SLC35E2B: variants seen among roughly 807,000 people sequenced by gnomAD.
SLC35E2B encodes the protein solute carrier family 35 member E2B.
A neutral mutation model predicts 32.4 loss-of-function variants in SLC35E2B; 18 were observed. That is an observed-to-expected ratio of 0.56 (90% confidence interval 0.38 to 0.82). The LOEUF is 0.82. SLC35E2B is among the 40% of genes least tolerant of loss of function. The probability of loss-of-function intolerance (pLI) is 0.00; values close to 1 mark genes in which losing one functional copy is unlikely to be tolerated. For synonymous variants in SLC35E2B, 132 were observed against 209.1 expected (o/e 0.63, Z 3.18); for missense variants, 263 against 469.5 (o/e 0.56, Z 4.06).
chr1:1,675,579 A>G lies in SLC35E2B; in HGVS notation c.470T>C (p.Val157Ala), dbSNP rs1449453647. 19 of 1,564,672 alleles carry G rather than the reference A, an allele frequency of 1.2e-5. No homozygotes were observed. The highest frequency in any genetic ancestry group is 1.6e-5 in the Non-Finnish European group (18 of 1,157,852). ...TTTCAGGCTGACCAAACCCAAAACC[A>G]CAGTTGCAAACCTAAAAATGAGCCA... ...LFVGLMRFAT[V>A]VLGLVSLKNV... Residue 157 changes from valine (V) to alanine (A), a missense_variant, in exon 5 of 10, where the codon GTG becomes GCG. Coordinates refer to ENST00000617444, the MANE Select transcript of SLC35E2B (RefSeq NM_001290264.2).
rs1643470263 is a variant in SLC35E2B at position 1,663,829 on chromosome 1, AC to A, written c.*1952del. 1.1e-5 allele frequency: 10 copies of A among 913,468 alleles called. 2 individuals carry two copies. Among genetic ancestry groups the A allele is most frequent in the Non-Finnish European group, 1.2e-5 (9 of 764,136 alleles). 56.6% of individuals were successfully genotyped at this position (913,468 alleles called of 1,614,324 possible). A position where few individuals can be genotyped will look rare whatever the true frequency, so the allele number is the denominator to read the frequency against. On this transcript the variant is annotated 3_prime_UTR_variant, in exon 10 of 10. Coordinates refer to ENST00000617444, the MANE Select transcript of SLC35E2B (RefSeq NM_001290264.2). ...ATGGAAATCCGGGGAAAGTCACGTG[AC>A]AAAACATCTTCGCAGCGCAGTGAGC...
rs1282887613 is a variant in SLC35E2B, at chr1:1,671,633, G to A, written c.587-4C>T. The A allele has an allele frequency of 1.9e-6, 3 of 1,540,530 alleles. No individual in the cohort carries two copies. Among genetic ancestry groups the A allele is most frequent in the South Asian group, 1.2e-5 (1 of 82,326 alleles). On this transcript the variant is annotated splice_region_variant and splice_polypyrimidine_tract_variant and intron_variant, in intron 5 of 9. Coordinates refer to ENST00000617444, the MANE Select transcript of SLC35E2B (RefSeq NM_001290264.2). The stretch of plus-strand genomic sequence containing the variant: ...AGGGAGAGGTTGACCAGCAGCCCTG[G>A]CGAGAGGACAGCCCCTGTGAGTGGC...
chr1:1,687,462 G>A (rs1018049308), intron 2 of SLC35E2B, among the ~76,000 whole-genome samples: 7 of 152,106 alleles, frequency 4.6e-5, no homozygotes, highest in Non-Finnish European at 8.8e-5. Context: ...AAATTAGGCC[G>A]GGCGTGGTGG....
intron 6 of SLC35E2B, 44 bp downstream of exon 6, chr1:1,671,465 C>T (rs770025975): frequency 7.2e-7 from 1 of 1,385,808 alleles, no homozygotes; most frequent in South Asian, 1.7e-5. Flanking sequence ...TGCAGGTGAG[C>T]ACCGGGTCTC....
Position 1,692,475 on chromosome 1 carries a change from A to C in SLC35E2B, c.-592T>G, listed in dbSNP as rs1461484527. ...GAGAGCCTGATGCAGTCTCCGCCGC[A>C]GGCATAGCGCTAGGCCCCGGCGCCT... is the stretch of plus-strand genomic sequence containing the variant. On this transcript the variant is annotated 5_prime_UTR_variant, in exon 1 of 10. Transcript: ENST00000617444. 3 of 986,096 alleles carry C rather than the reference A, an allele frequency of 3.0e-6. No individual in the cohort carries two copies. In the Admixed American group the frequency reaches 1.8e-4, roughly 61 times the overall value. The allele number at this position is 986,096 out of a possible 1,614,324, so 61.1% of individuals were successfully genotyped here. A position where few individuals can be genotyped will look rare whatever the true frequency, so the allele number is the denominator to read the frequency against.
In SLC35E2B at chr1:1,665,996, G is replaced by A; in HGVS notation, c.1004C>T (p.Ala335Val). ...TFSVASTVKH[A>V]LSIWLSVIVF... The stretch of plus-strand genomic sequence containing the variant: ...GATTACGCTGAGCCAGATGGACAAG[G>A]CATGTTTCACGGTGCTGGCGACGCT... Residue 335 changes from alanine (A) to valine (V), a missense_variant, in exon 10 of 10, where the codon GCC becomes GTC. Physicochemically the swap from Ala to Val is moderately conservative, Grantham distance 64. Around this residue, in one of 7 missense-constraint regions of SLC35E2B, gnomAD observed 38 missense variants for 56.9 expected, o/e 0.67. Coordinates refer to ENST00000617444, the MANE Select transcript of SLC35E2B (RefSeq NM_001290264.2). 6.4e-7 allele frequency: 1 copy of A among 1,551,462 alleles called. No individual in the cohort carries two copies. The highest frequency in any genetic ancestry group is 8.7e-7 in the Non-Finnish European group (1 of 1,146,932).
chr1:1,677,548 GCT>G (rs1643864324), intron 2 of SLC35E2B, among the ~76,000 whole-genome samples: 1 of 151,184 alleles, frequency 6.6e-6, no homozygotes, highest in Non-Finnish European at 1.5e-5. Context: ...CGTGATCTGG[GCT>G]CACTGCAAGC....
chr1:1,688,531 T>C (rs71509484), intron 2 of SLC35E2B, among the ~76,000 whole-genome samples: 59,195 of 146,344 alleles, frequency 0.4, 7,707 homozygotes, highest in African/African-American at 0.51. Context: ...ACCCAGGAGG[T>C]GGAGGCTGCA....
chr1:1,689,428 G>A (rs1466797805), intron 2 of SLC35E2B, among the ~76,000 whole-genome samples: 1 of 151,624 alleles, frequency 6.6e-6, no homozygotes, highest in African/African-American at 2.4e-5. Context: ...TCTGGGGAAG[G>A]TGCTGTTATC....
intron 8 of SLC35E2B, 54 bp from the exon 9 acceptor site, chr1:1,668,526 C>G (rs1028011965): frequency 1.3e-4 from 211 of 1,613,902 alleles, no homozygotes; most frequent in Non-Finnish European, 1.7e-4. Context: ...ATTTACTAAT[C>G]ATCCACCAAA....
Position 1,679,449 on chromosome 1 carries a change from A to G in SLC35E2B, c.-147-2603T>C, listed in dbSNP as rs375593017. Reference sequence around the variant, plus strand: ...GACCCACACAAGCAGCCCAGTCCCCACCCTAATGTTTGCTCACAATTAGTG... The same window carrying G: ...GACCCACACAAGCAGCCCAGTCCCCGCCCTAATGTTTGCTCACAATTAGTG... On this transcript the variant is annotated intron_variant, in intron 2 of 9. Coordinates refer to ENST00000617444, the MANE Select transcript of SLC35E2B (RefSeq NM_001290264.2). Among the ~76,000 whole-genome samples the G allele has an allele frequency of 3.4e-4, 52 of 152,100 alleles. No homozygotes were observed. The South Asian group carries it at 0.011, about 31-fold the overall frequency.
chr1:1,679,691 G>A (rs1643883753), intron 2 of SLC35E2B, among the ~76,000 whole-genome samples: 1 of 151,398 alleles, frequency 6.6e-6, no homozygotes, highest in Non-Finnish European at 1.5e-5. Context: ...AATCAGCCGG[G>A]TGTGGTGGCT....
In SLC35E2B at chr1:1,670,238, G is replaced by A. The variant is rs930498881; in HGVS notation, c.708-87C>T. ...GAAGGTGTCTGCGCTCACACGGAGCGATGGCGACAATGACCAGACCTCAGT... is the reference window on the plus strand; with the variant it reads ...GAAGGTGTCTGCGCTCACACGGAGCAATGGCGACAATGACCAGACCTCAGT... On this transcript the variant is annotated intron_variant, in intron 6 of 9. Transcript: ENST00000617444. 1.3e-5 allele frequency: 13 copies of A among 992,108 alleles called. No homozygotes were observed. In the East Asian group the frequency reaches 1.6e-4, roughly 12 times the overall value. The allele number at this position is 992,108 out of a possible 1,614,324, so 61.5% of individuals were successfully genotyped here.
chr1:1,675,362 C>T, intron 5 of SLC35E2B, 101 bp downstream of exon 5: 1 of 761,260 alleles, frequency 1.3e-6, no homozygotes, highest in Non-Finnish European at 2.1e-6. Flanking sequence ...TCTGAGTGGT[C>T]CTCGCGGCAG....
At chr1:1,679,754 C>T (rs574200587) in intron 2 of SLC35E2B, among the ~76,000 whole-genome samples, 1 of 150,182 alleles carries the variant, frequency 6.7e-6, no homozygotes, top group Non-Finnish European at 1.5e-5. Context: ...ATCACTTGAA[C>T]CTGGAAGGCA....
At chr1:1,673,246 A>C in intron 5 of SLC35E2B, 1 of 444,424 alleles carries the variant, frequency 2.3e-6, no homozygotes, top group Non-Finnish European at 4.5e-6. Context: ...TCATACACGC[A>C]CTGAGGGTTG....
intron 2 of SLC35E2B, among the ~76,000 whole-genome samples, chr1:1,677,644 AT>A (rs779403371): frequency 1.3e-5 from 2 of 150,592 alleles, no homozygotes; most frequent in African/African-American, 4.9e-5. Context: ...CGTCCGGCTA[AT>A]TTTTTGTAAT....
chr1:1,671,657 G>A, intron 5 of SLC35E2B, 28 bp from the exon 6 acceptor site: 1 of 1,498,910 alleles, frequency 6.7e-7, no homozygotes, highest in Non-Finnish European at 8.9e-7. Context: ...CCTGTGAGTG[G>A]CTGACCCGCC....
rs1309151111 is a variant in SLC35E2B at position 1,692,550 on chromosome 1, G to A, written c.-667C>T. The A allele has an allele frequency of 4.1e-6, 4 of 985,798 alleles. No homozygotes were observed. Among genetic ancestry groups the A allele is most frequent in the African/African-American group, 1.8e-5 (1 of 56,640 alleles). The allele number at this position is 985,798 out of a possible 1,614,324, so 61.1% of individuals were successfully genotyped here. A position where few individuals can be genotyped will look rare whatever the true frequency, so the allele number is the denominator to read the frequency against. On this transcript the variant is annotated 5_prime_UTR_variant, in exon 1 of 10. Transcript: ENST00000617444. ...CGGGGCCTGAGAGGCGCGCGGTGGA[G>A]GGGCCGGGCGCGAGGCCGCGGAGAC...
Sources: gnomAD v4.1 joint callset for allele counts (sites outside exome capture counted in the v4.1 genomes callset) on GRCh38, gnomAD v4.1.1 for gene constraint, gnomAD v4.1.1 regional missense constraint, MANE v1.5 for transcripts, NCBI Gene and HGNC (gene_info 2026-07-23, HGNC 2026-07-21) for gene names.